Variants in TENM2 observed in about 807,000 individuals in gnomAD.
The protein encoded by TENM2 is teneurin transmembrane protein 2, also known as teneurin-2.
In TENM2, 52 loss-of-function variants were observed where a neutral mutation model predicts 245.2. The observed-to-expected ratio is 0.21, with a 90% CI of 0.17 to 0.27. TENM2 has a LOEUF of 0.27. TENM2 is among the 10% of genes least tolerant of loss of function. The pLI is 1.00. For synonymous variants in TENM2, 1,363 were observed against 1,438.9 expected (o/e 0.95, Z 1.19); for missense variants, 3,046 against 3,666.8 (o/e 0.83, Z 4.37).
chr5:167,930,675 G>T (rs911595107), intron 3 of TENM2, among the ~76,000 whole-genome samples: 9 of 151,884 alleles, frequency 5.9e-5, no homozygotes, highest in Non-Finnish European at 1.0e-4. Context: ...TAGAGACAAA[G>T]TCTCACTACA....
At chr5:168,222,019 C>T (rs1247309656) in intron 23 of TENM2, among the ~76,000 whole-genome samples, 1 of 152,134 alleles carries the variant, frequency 6.6e-6, no homozygotes, top group Non-Finnish European at 1.5e-5. Context: ...AAGCGCTTGG[C>T]ATATAGAAGT....
At chr5:167,272,668 TGGTCACATCCATCCCCAC>T in the TENM2 span, among the ~76,000 whole-genome samples, 1 of 152,104 alleles carries the variant, frequency 6.6e-6, no homozygotes, top group Non-Finnish European at 1.5e-5. Flanking sequence ...GGAAGAAAGG[TGGTCACATCCATCCCCAC>T]TTAGATTTAA....
chr5:168,107,999 A>C (rs185539505), intron 9 of TENM2, among the ~76,000 whole-genome samples: 4 of 152,328 alleles, frequency 2.6e-5, no homozygotes, highest in Non-Finnish European at 5.9e-5. Context: ...CCCTGTATTT[A>C]GTTTGGTACC....
At chr5:167,187,763 C>G in the TENM2 span, among the ~76,000 whole-genome samples, 1 of 152,064 alleles carries the variant, frequency 6.6e-6, no homozygotes, top group African/African-American at 2.4e-5. Flanking sequence ...AATCTGTTCT[C>G]CGGGGAGCCT....
the TENM2 span, among the ~76,000 whole-genome samples, chr5:167,027,633 CT>C: frequency 6.6e-6 from 1 of 151,932 alleles, no homozygotes; most frequent in Non-Finnish European, 1.5e-5. Flanking sequence ...ATTTATTGAT[CT>C]TTTTCCTGAT....
intron 4 of TENM2, among the ~76,000 whole-genome samples, chr5:167,988,703 C>T (rs1783430645): frequency 6.6e-6 from 1 of 152,248 alleles, no homozygotes; most frequent in South Asian, 2.1e-4. Flanking sequence ...AGCCAGAGGG[C>T]AGATCATGCA....
chr5:168,035,077 T>A (rs1010406399), intron 5 of TENM2, among the ~76,000 whole-genome samples: 1 of 152,152 alleles, frequency 6.6e-6, no homozygotes, highest in African/African-American at 2.4e-5. Flanking sequence ...GAAGACTTAG[T>A]GCAAAAAAAA....
the TENM2 span, among the ~76,000 whole-genome samples, chr5:167,067,006 A>G: frequency 6.6e-6 from 1 of 152,170 alleles, no homozygotes; most frequent in Non-Finnish European, 1.5e-5. Context: ...ATTAATTATA[A>G]TTACTGACCG....
chr5:167,324,599 C>T (rs1248012876), intron 1 of TENM2, among the ~76,000 whole-genome samples: 1 of 151,502 alleles, frequency 6.6e-6, no homozygotes, highest in East Asian at 1.9e-4. Flanking sequence ...TAAATCGAAC[C>T]AGGTAGTTGA....
intron 23 of TENM2, among the ~76,000 whole-genome samples, chr5:168,224,636 AC>A (rs940599420): frequency 2.0e-5 from 3 of 151,482 alleles, no homozygotes; most frequent in Admixed American, 1.3e-4. Flanking sequence ...TTCTCTGAGG[AC>A]CCCCCATCCC....
chr5:167,118,365 A>G, the TENM2 span, among the ~76,000 whole-genome samples: 1 of 152,200 alleles, frequency 6.6e-6, no homozygotes, highest in Non-Finnish European at 1.5e-5. Flanking sequence ...ATAGAAAAAT[A>G]TATCTGTACA....
intron 4 of TENM2, among the ~76,000 whole-genome samples, chr5:167,962,723 G>T (rs890694675): frequency 1.3e-5 from 2 of 152,098 alleles, no homozygotes; most frequent in Non-Finnish European, 2.9e-5. Context: ...CTGAGCAAAA[G>T]GGGTGAAAAC....
At chr5:167,792,831 T>C (rs961166538) in intron 2 of TENM2, among the ~76,000 whole-genome samples, 2 of 152,208 alleles carry the variant, frequency 1.3e-5, no homozygotes, top group Admixed American at 6.5e-5. Flanking sequence ...TGCAATGTTA[T>C]GAAAAGAGTT....
At chr5:168,021,021 C>CT (rs1786096299) in intron 5 of TENM2, among the ~76,000 whole-genome samples, 1 of 152,170 alleles carries the variant, frequency 6.6e-6, no homozygotes, top group African/African-American at 2.4e-5. Context: ...ATTTTTGTTC[C>CT]TTTCCTCTAT....
chr5:167,729,190 TCCCA>T (rs978108025), intron 2 of TENM2: 2 of 152,198 alleles, frequency 1.3e-5, no homozygotes, highest in African/African-American at 4.8e-5. Context: ...TCCCTTCCTC[TCCCA>T]CATTGCCTCT....
At chr5:167,450,204 A>AT (rs1765493179) in intron 2 of TENM2, among the ~76,000 whole-genome samples, 1 of 151,906 alleles carries the variant, frequency 6.6e-6, no homozygotes, top group African/African-American at 2.4e-5. Context: ...ATGCATGCTC[A>AT]TTTTTTGTTC....
chr5:168,165,648 A>ACCCCCCCCCCCCCCCCCCC (rs34203413), intron 13 of TENM2, among the ~76,000 whole-genome samples: 2 of 30,948 alleles, frequency 6.5e-5, no homozygotes, highest in African/African-American at 1.6e-4. Flanking sequence ...CCCCCCCCCA[A>ACCCCCCCCCCCCCCCCCCC]CCCCCCCCCC....
At chr5:167,993,592 G>A (rs190125011) in intron 5 of TENM2, among the ~76,000 whole-genome samples, 64 of 152,322 alleles carry the variant, frequency 4.2e-4, no homozygotes, top group Admixed American at 4.1e-3. Flanking sequence ...GAAGAATAGT[G>A]GTTGGCATGT....
At chr5:167,196,408 G>A in the TENM2 span, among the ~76,000 whole-genome samples, 1 of 151,052 alleles carries the variant, frequency 6.6e-6, no homozygotes, top group African/African-American at 2.4e-5. Flanking sequence ...TTGCACATAA[G>A]TGTTATTATT....
Sources: gnomAD v4.1 joint callset for allele counts (sites outside exome capture counted in the v4.1 genomes callset) on GRCh38, gnomAD v4.1.1 for gene constraint, MANE v1.5 for transcripts, NCBI Gene and HGNC (gene_info 2026-07-23, HGNC 2026-07-21) for gene names.